The following MTHFS variants were observed in gnomAD, a reference collection of about 807,000 sequenced individuals.
The protein encoded by MTHFS is 5-formyltetrahydrofolate cyclo-ligase.
A neutral mutation model predicts 12.7 loss-of-function variants in MTHFS; 7 were observed. The observed-to-expected ratio is 0.55, with a 90% confidence interval of 0.31 to 1.03. The LOEUF is 1.03. Ranked by LOEUF, MTHFS falls within the 50% of genes least tolerant of loss-of-function variation. The probability of loss-of-function intolerance (pLI) is 0.05; values close to 1 mark genes in which losing one functional copy is unlikely to be tolerated. For missense variants in MTHFS, 252 were observed against 258.1 expected, an observed-to-expected ratio of 0.98 and a Z score of 0.16; for synonymous variants, 100 against 97.1, an observed-to-expected ratio of 1.03 and a Z score of -0.18.
At chr15:79,890,303 C>A (rs577345377) in intron 1 of MTHFS, among the ~76,000 whole-genome samples, 1 of 137,242 alleles carries the variant, frequency 7.3e-6, no homozygotes, top group Non-Finnish European at 1.5e-5. Context: ...CTGCCTCAAT[C>A]TGCAATCACT....
intron 2 of MTHFS, among the ~76,000 whole-genome samples, chr15:79,856,645 G>T (rs1422088016): frequency 2.0e-5 from 3 of 152,212 alleles, no homozygotes; most frequent in African/African-American, 7.2e-5. Flanking sequence ...AATGGGTATA[G>T]ATTTTCAGAT....
intron 2 of MTHFS, among the ~76,000 whole-genome samples, chr15:79,861,754 A>C (rs932061398): frequency 6.6e-6 from 1 of 152,246 alleles, no homozygotes. Flanking sequence ...AACCACTTAA[A>C]ACACTATGCT....
chr15:79,871,016 G>A (rs957617683), intron 2 of MTHFS, among the ~76,000 whole-genome samples: 1 of 152,084 alleles, frequency 6.6e-6, no homozygotes, highest in Non-Finnish European at 1.5e-5. Flanking sequence ...GGTGGCACAT[G>A]ACTGTAATCC....
intron 2 of MTHFS, among the ~76,000 whole-genome samples, chr15:79,856,997 C>CTTT (rs558340769): frequency 7.6e-6 from 1 of 131,180 alleles, no homozygotes. Context: ...CGCAAAGTCA[C>CTTT]TTTTTTTTTT....
At position 79,896,871 on chromosome 15, in the gene MTHFS, C is replaced by T; in HGVS notation, c.117+1G>A. 1 of 1,542,784 alleles carries T rather than the reference C, an allele frequency of 6.5e-7. No homozygotes were observed. ...GGCTTCCGCTACGGGCGGCCTCGCA[C>T]CTTCTGGCTCAGTACGCGGGACTGG... On this transcript the variant is annotated splice_donor_variant, in intron 1 of 2. Transcript: ENST00000258874. LOFTEE classifies it high-confidence loss of function.
chr15:79,845,203 T>A lies in MTHFS; in HGVS notation c.*7A>T. 1.2e-6 allele frequency: 2 copies of A among 1,614,046 alleles called. No individual in the cohort carries two copies. The highest frequency in any genetic ancestry group is 1.7e-6 in the Non-Finnish European group (2 of 1,179,910). ...AACACTGATTATTTGGCTGTAGTAATCCAGATTTAAGCTGTTGACGAGTCT... is the reference window on the plus strand; with the variant it reads ...AACACTGATTATTTGGCTGTAGTAAACCAGATTTAAGCTGTTGACGAGTCT... On this transcript the variant is annotated 3_prime_UTR_variant, in exon 3 of 3. Coordinates refer to ENST00000258874, the MANE Select transcript of MTHFS (RefSeq NM_006441.4).
intron 2 of MTHFS, among the ~76,000 whole-genome samples, chr15:79,869,141 T>C (rs1317938136): frequency 6.6e-6 from 1 of 152,206 alleles, no homozygotes; most frequent in Non-Finnish European, 1.5e-5. Context: ...AAGCAGACTC[T>C]TGGCAAATGA....
chr15:79,847,636 C>T (rs577248116), intron 2 of MTHFS, among the ~76,000 whole-genome samples: 2 of 137,716 alleles, frequency 1.5e-5, no homozygotes, highest in Admixed American at 8.0e-5. Flanking sequence ...CGCCACTGCA[C>T]TCCAGCCTGG....
At chr15:79,889,473 A>AAAAAAAAAAAAAAAAC in intron 1 of MTHFS, 119 bp from the exon 2 acceptor site, 2 of 1,225,216 alleles carry the variant, frequency 1.6e-6, no homozygotes, top group East Asian at 3.1e-5. Context: ...AAGAAAAAAA[A>AAAAAAAAAAAAAAAAC]AGGGGGGGGG....
At chr15:79,884,553 T>C (rs910861038) in intron 2 of MTHFS, among the ~76,000 whole-genome samples, 1 of 151,964 alleles carries the variant, frequency 6.6e-6, no homozygotes, top group Non-Finnish European at 1.5e-5. Context: ...AGAATGAAAA[T>C]TGTAGACTAA....
At chr15:79,847,822 G>T (rs1030235441) in intron 2 of MTHFS, among the ~76,000 whole-genome samples, 2 of 152,168 alleles carry the variant, frequency 1.3e-5, no homozygotes, top group African/African-American at 2.4e-5. Context: ...CATTCATGAG[G>T]ATGTCCAATA....
intron 2 of MTHFS, among the ~76,000 whole-genome samples, chr15:79,884,243 A>G (rs2034345404): frequency 6.6e-6 from 1 of 152,228 alleles, no homozygotes; most frequent in Admixed American, 6.5e-5. Flanking sequence ...TTCCATTACT[A>G]GGAAATACTG....
intron 2 of MTHFS, 107 bp downstream of exon 2, chr15:79,888,986 T>C: frequency 6.8e-7 from 1 of 1,475,112 alleles, no homozygotes; most frequent in Non-Finnish European, 9.0e-7. Flanking sequence ...AAATACAAAT[T>C]AATCCCTTAC....
intron 2 of MTHFS, among the ~76,000 whole-genome samples, chr15:79,863,365 A>G (rs907016176): frequency 1.3e-5 from 2 of 152,208 alleles, no homozygotes; most frequent in Non-Finnish European, 2.9e-5. Flanking sequence ...AAGTCTTTCA[A>G]TAACTAACTC....
At chr15:79,878,524 G>T (rs1056888788) in intron 2 of MTHFS, among the ~76,000 whole-genome samples, 1 of 147,708 alleles carries the variant, frequency 6.8e-6, no homozygotes, top group African/African-American at 2.5e-5. Flanking sequence ...TTGCCGTAGT[G>T]CCTAGCAAGG....
chr15:79,879,795 T>C (rs994212117), intron 2 of MTHFS, among the ~76,000 whole-genome samples: 1 of 152,128 alleles, frequency 6.6e-6, no homozygotes, highest in African/African-American at 2.4e-5. Flanking sequence ...CACACACACA[T>C]GCACACATAT....
At chr15:79,876,684 T>C (rs1439246349) in intron 2 of MTHFS, 1 of 147,886 alleles carries the variant, frequency 6.8e-6, no homozygotes, top group East Asian at 2.0e-4. Flanking sequence ...CACCAATGAC[T>C]CAACAAATAA....
In MTHFS at chr15:79,847,086, G is replaced by C. The variant is rs138771204; in HGVS notation, c.380-1644C>G. On this transcript the variant is annotated intron_variant, in intron 2 of 2. Transcript: ENST00000258874. ...AATACTAGAGACCCCAGCAGGGGGA[G>C]AGCAAACGCTGGGTGGTCAGGGAAG... is the stretch of plus-strand genomic sequence containing the variant. Among the ~76,000 whole-genome samples the C allele has an allele frequency of 8.9e-3, 1,352 of 152,344 alleles. 10 individuals are homozygous for C. Among genetic ancestry groups the C allele is most frequent in the Non-Finnish European group, 0.012 (843 of 68,034 alleles).
In MTHFS at chr15:79,849,434, C is replaced by T. The variant is rs574424871; in HGVS notation, c.380-3992G>A. Among the ~76,000 whole-genome samples the T allele has an allele frequency of 2.0e-5, 3 of 152,286 alleles. No homozygotes were observed. The South Asian group carries it at 6.2e-4, about 32-fold the overall frequency. On this transcript the variant is annotated intron_variant, in intron 2 of 2. Coordinates refer to ENST00000258874, the MANE Select transcript of MTHFS (RefSeq NM_006441.4). ...CTCCTCACACTTTGGGAACACTATG[C>T]TGGATGTTTTTCCTCCTCAAAGGTG... is the stretch of plus-strand genomic sequence containing the variant.
Sources: gnomAD v4.1 joint callset for allele counts (sites outside exome capture counted in the v4.1 genomes callset) on GRCh38, gnomAD v4.1.1 for gene constraint, MANE v1.5 for transcripts, NCBI Gene and HGNC (gene_info 2026-07-23, HGNC 2026-07-21) for gene names.